RAPGEF5: variants seen among roughly 807,000 people sequenced by gnomAD.
The protein encoded by RAPGEF5 is Rap guanine nucleotide exchange factor 5.
RAPGEF5 carries 65 observed loss-of-function variants against 125.2 expected under a neutral mutation model. The ratio of observed to expected loss-of-function variants is 0.52; its 90% CI spans 0.43 to 0.64. The LOEUF (loss-of-function observed/expected upper bound fraction) is 0.64. RAPGEF5 is among the 30% of genes least tolerant of loss of function. RAPGEF5 has a pLI of 0.00. For missense variants in RAPGEF5, 958 were observed against 1,048.1 expected, an observed-to-expected ratio of 0.91 and a Z score of 1.19; for synonymous variants, 391 against 385.9, an observed-to-expected ratio of 1.01 and a Z score of -0.16.
intron 7 of RAPGEF5, among the ~76,000 whole-genome samples, chr7:22,256,761 A>G (rs1206040879): frequency 2.0e-5 from 3 of 152,228 alleles, no homozygotes; most frequent in Non-Finnish European, 4.4e-5. Flanking sequence ...AAAGGGAAGT[A>G]ACACATCTCC....
chr7:22,253,376 T>C (rs541021172), intron 7 of RAPGEF5, among the ~76,000 whole-genome samples: 16 of 152,268 alleles, frequency 1.1e-4, no homozygotes, highest in African/African-American at 3.9e-4. Context: ...GGACACAGTA[T>C]CGAGGATGTG....
At chr7:22,336,376 A>C (rs1784026770) in intron 1 of RAPGEF5, among the ~76,000 whole-genome samples, 1 of 152,242 alleles carries the variant, frequency 6.6e-6, no homozygotes, top group African/African-American at 2.4e-5. Flanking sequence ...AATTTCATAA[A>C]ATTAAATTTA....
chr7:22,308,275 C>T, intron 5 of RAPGEF5, 64 bp downstream of exon 5: 3 of 1,444,264 alleles, frequency 2.1e-6, no homozygotes, highest in Non-Finnish European at 2.8e-6. Flanking sequence ...AGAATATAGT[C>T]CCTAGACATG....
intron 6 of RAPGEF5, among the ~76,000 whole-genome samples, chr7:22,271,245 G>A (rs1048588801): frequency 2.6e-5 from 4 of 152,188 alleles, no homozygotes; most frequent in Non-Finnish European, 5.9e-5. Context: ...CCAGGCATCA[G>A]TGTGCATTGT....
intron 1 of RAPGEF5, among the ~76,000 whole-genome samples, chr7:22,332,340 T>C (rs1327019801): frequency 1.3e-5 from 2 of 152,176 alleles, no homozygotes; most frequent in Admixed American, 1.3e-4. Context: ...ATGGCAACCT[T>C]AGAAAGGTAA....
Position 22,154,620 on chromosome 7 carries a change from G to A in RAPGEF5, c.1637-16C>T. ...TGGCAGAAAACTGCACAAGTGAAAA[G>A]AATTGTTTGGAAACAGAGAACAGTG... On this transcript the variant is annotated splice_polypyrimidine_tract_variant and intron_variant, in intron 16 of 25. Transcript: ENST00000665637. The A allele has an allele frequency of 6.2e-7, 1 of 1,609,738 alleles. No homozygotes were observed. Among genetic ancestry groups the A allele is most frequent in the Non-Finnish European group, 8.5e-7 (1 of 1,177,710 alleles).
chr7:22,224,083 A>T (rs983289210), intron 8 of RAPGEF5, among the ~76,000 whole-genome samples: 1 of 152,196 alleles, frequency 6.6e-6, no homozygotes, highest in Non-Finnish European at 1.5e-5. Context: ...CTCATGGCCT[A>T]AGAGAAGGGG....
At chr7:22,228,484 A>C (rs1785973532) in intron 8 of RAPGEF5, among the ~76,000 whole-genome samples, 1 of 151,980 alleles carries the variant, frequency 6.6e-6, no homozygotes, top group Non-Finnish European at 1.5e-5. Context: ...CAAGAGAGTT[A>C]ACTTGCCCAA....
chr7:22,130,523 G>A (rs1400647649), intron 24 of RAPGEF5, among the ~76,000 whole-genome samples: 3 of 152,200 alleles, frequency 2.0e-5, no homozygotes, highest in East Asian at 1.9e-4. Context: ...TGATAAAGGA[G>A]TGGCCCTTCC....
At chr7:22,224,166 C>A (rs868729364) in intron 8 of RAPGEF5, among the ~76,000 whole-genome samples, 1 of 152,206 alleles carries the variant, frequency 6.6e-6, no homozygotes, top group Middle Eastern at 3.4e-3. Context: ...ATTTTTAGAT[C>A]CTTTTATGCT....
chr7:22,315,533 C>A, intron 2 of RAPGEF5, 57 bp from the exon 3 acceptor site: 2 of 1,108,600 alleles, frequency 1.8e-6, no homozygotes, highest in Non-Finnish European at 2.3e-6. Flanking sequence ...AATTTGTGAA[C>A]TACCAATAGC....
chr7:22,263,855 T>C (rs113614088), intron 7 of RAPGEF5, among the ~76,000 whole-genome samples: 135 of 152,084 alleles, frequency 8.9e-4, no homozygotes, highest in Middle Eastern at 3.4e-3. Flanking sequence ...TGAGTATTAG[T>C]GGTTAGATTG....
At chr7:22,305,824 C>T (rs922874646) in intron 5 of RAPGEF5, among the ~76,000 whole-genome samples, 10 of 152,122 alleles carry the variant, frequency 6.6e-5, no homozygotes, top group African/African-American at 2.4e-4. Context: ...CTGTGCCTGG[C>T]GTATGTCATT....
At chr7:22,322,424 G>A (rs565548740) in intron 1 of RAPGEF5, among the ~76,000 whole-genome samples, 66 of 152,028 alleles carry the variant, frequency 4.3e-4, no homozygotes, top group African/African-American at 1.5e-3. Flanking sequence ...TGGGATTACC[G>A]GTGTGAGCTA....
At chr7:22,232,644 C>T (rs1786088526) in intron 7 of RAPGEF5, among the ~76,000 whole-genome samples, 1 of 152,132 alleles carries the variant, frequency 6.6e-6, no homozygotes, top group Non-Finnish European at 1.5e-5. Flanking sequence ...ATATTGTGCT[C>T]TCTGCTCTGT....
In RAPGEF5 at chr7:22,154,511, T is replaced by C; in HGVS notation, c.1730A>G (p.Glu577Gly). ...ATCCTCTTCTGCATACTGGATCTTT[T>C]CTGCCACGACTTTTAGGATCTCTTG... ...IAQEILKVVA[E>G]KIQYAEEDLA... Residue 577 changes from glutamate (E) to glycine (G), a missense_variant, in exon 17 of 26, where the codon GAA (glutamate) becomes GGA (glycine). Glu to Gly is a moderately conservative substitution (Grantham distance 98). Transcript: ENST00000665637. 6.2e-7 allele frequency: 1 copy of C among 1,613,930 alleles called. No homozygotes were observed. The highest frequency in any genetic ancestry group is 8.5e-7 in the Non-Finnish European group (1 of 1,179,834).
intron 17 of RAPGEF5, among the ~76,000 whole-genome samples, chr7:22,153,676 C>T (rs1388348440): frequency 2.0e-5 from 3 of 152,176 alleles, no homozygotes; most frequent in African/African-American, 7.2e-5. Context: ...CCTCCCCTGC[C>T]CGCATCTCTG....
intron 9 of RAPGEF5, among the ~76,000 whole-genome samples, chr7:22,218,476 T>C (rs184815158): frequency 2.2e-4 from 33 of 152,298 alleles, no homozygotes; most frequent in Admixed American, 7.2e-4. Flanking sequence ...GAAAGAAAAA[T>C]GCTCACAATT....
intron 7 of RAPGEF5, among the ~76,000 whole-genome samples, chr7:22,245,726 T>A (rs1385597486): frequency 6.6e-6 from 1 of 152,100 alleles, no homozygotes; most frequent in East Asian, 1.9e-4. Context: ...TAACACACTC[T>A]TATTCAAGAT....
Sources: allele counts gnomAD v4.1 joint callset (sites outside exome capture counted in the v4.1 genomes callset), GRCh38; gene constraint gnomAD v4.1.1; transcripts MANE v1.5; gene names NCBI Gene and HGNC (gene_info 2026-07-23, HGNC 2026-07-21).